NOL4: variants seen among roughly 807,000 people sequenced by gnomAD.
The protein encoded by NOL4 is nucleolar protein 4.
NOL4 carries 17 observed loss-of-function variants against 75.9 expected under a neutral mutation model. The ratio of observed to expected loss-of-function variants is 0.22; its 90% confidence interval spans 0.15 to 0.34. The LOEUF (loss-of-function observed/expected upper bound fraction) is 0.34. Ranked by LOEUF, NOL4 falls within the 10% of genes least tolerant of loss-of-function variation. NOL4 has a pLI of 1.00. For synonymous variants in NOL4, 292 were observed against 289.9 expected (o/e 1.01, Z -0.07); for missense variants, 614 against 793.5 (o/e 0.77, Z 2.72).
intron 1 of NOL4, chr18:34,222,404 G>A: frequency 8.8e-7 from 1 of 1,140,414 alleles, no homozygotes; most frequent in East Asian, 5.8e-5. Context: ...TCGCGGCAAC[G>A]ATCTCTGGGA....
At position 34,130,015 on chromosome 18, in the gene NOL4, G is replaced by T; in HGVS notation, c.270C>A (p.Gly90=). 1 of 1,554,794 alleles carries T rather than the reference G, an allele frequency of 6.4e-7. No homozygotes were observed. The highest frequency in any genetic ancestry group is 8.7e-7 in the Non-Finnish European group (1 of 1,151,778). ...AAGATAGCTTCTCATCTACCCCTAC[G>T]CCATCCTGGAAACAAAACAACAACA... ...VLYVPVKTTD[G]VGVDEKLSLR... Residue 90 remains glycine, a synonymous_variant, in exon 2 of 11, where the codon GGC becomes GGA. Coordinates refer to ENST00000261592, the MANE Select transcript of NOL4 (RefSeq NM_003787.5).
chr18:33,883,446 C>A (rs761968104), intron 9 of NOL4, 22 bp from the exon 10 acceptor site: 14 of 1,579,896 alleles, frequency 8.9e-6, no homozygotes, highest in Non-Finnish European at 6.0e-6. Flanking sequence ...GACAGCATTC[C>A]ATTATTTATC....
At chr18:34,163,879 G>C (rs1231446899) in intron 1 of NOL4, among the ~76,000 whole-genome samples, 1 of 152,094 alleles carries the variant, frequency 6.6e-6, no homozygotes, top group East Asian at 1.9e-4. Context: ...CATGGTACTG[G>C]TACCAAAACA....
chr18:33,977,931 G>T (rs17179), intron 6 of NOL4, among the ~76,000 whole-genome samples: 3 of 152,030 alleles, frequency 2.0e-5, no homozygotes, highest in Non-Finnish European at 4.4e-5. Context: ...TCTAGGCCTT[G>T]GAGACCTTTG....
intron 6 of NOL4, among the ~76,000 whole-genome samples, chr18:33,970,079 G>A (rs1452115256): frequency 4.6e-5 from 7 of 152,114 alleles, no homozygotes; most frequent in Non-Finnish European, 7.4e-5. Context: ...GATTTCTAGC[G>A]AGAGCCCAAG....
intron 9 of NOL4, among the ~76,000 whole-genome samples, chr18:33,887,870 C>T (rs2064856066): frequency 6.6e-6 from 1 of 152,114 alleles, no homozygotes. Flanking sequence ...AATAGTGCCG[C>T]AATAAACATA....
At chr18:34,089,948 C>A (rs76342217) in intron 5 of NOL4, among the ~76,000 whole-genome samples, 57 of 151,886 alleles carry the variant, frequency 3.8e-4, no homozygotes, top group African/African-American at 9.7e-4. Context: ...CACACACACA[C>A]GCACAAACAC....
intron 9 of NOL4, among the ~76,000 whole-genome samples, chr18:33,941,806 C>T (rs2068507838): frequency 6.6e-6 from 1 of 151,842 alleles, no homozygotes; most frequent in Non-Finnish European, 1.5e-5. Flanking sequence ...ATGTGCTCCC[C>T]TAATCACTAT....
chr18:33,923,383 A>G (rs1864440381), intron 9 of NOL4, among the ~76,000 whole-genome samples: 1 of 151,966 alleles, frequency 6.6e-6, no homozygotes, highest in Non-Finnish European at 1.5e-5. Flanking sequence ...TCATTGAAAT[A>G]GAATTTTTTT....
At chr18:34,164,889 C>T (rs1465850503) in intron 1 of NOL4, among the ~76,000 whole-genome samples, 1 of 151,986 alleles carries the variant, frequency 6.6e-6, no homozygotes, top group Non-Finnish European at 1.5e-5. Context: ...GGCACATATA[C>T]ACCATGGAAT....
intron 6 of NOL4, among the ~76,000 whole-genome samples, chr18:33,983,576 A>AAT (rs1433891252): frequency 1.3e-5 from 2 of 150,922 alleles, no homozygotes; most frequent in Non-Finnish European, 3.0e-5. Flanking sequence ...TGTATGTATA[A>AAT]ATATATATAA....
intron 5 of NOL4, among the ~76,000 whole-genome samples, chr18:34,046,818 G>A (rs570101397): frequency 6.6e-6 from 1 of 151,502 alleles, no homozygotes; most frequent in South Asian, 2.1e-4. Flanking sequence ...AATCTATGAA[G>A]GGAGATAAGC....
At chr18:34,094,072 C>T (rs1207934804) in intron 4 of NOL4, among the ~76,000 whole-genome samples, 1 of 151,896 alleles carries the variant, frequency 6.6e-6, no homozygotes, top group African/African-American at 2.4e-5. Context: ...AACAAAAAAA[C>T]AATGGAATAA....
chr18:34,119,246 A>T (rs1181839793), intron 2 of NOL4, among the ~76,000 whole-genome samples: 3 of 152,206 alleles, frequency 2.0e-5, no homozygotes, highest in African/African-American at 7.2e-5. Context: ...CTATAGATAG[A>T]GTATCTATCT....
At chr18:34,058,173 A>T (rs961041903) in intron 5 of NOL4, among the ~76,000 whole-genome samples, 1 of 151,934 alleles carries the variant, frequency 6.6e-6, no homozygotes, top group South Asian at 2.1e-4. Flanking sequence ...TCACTCTGTC[A>T]CCCAGGCTGG....
chr18:33,895,283 T>C (rs1466277225), intron 9 of NOL4, among the ~76,000 whole-genome samples: 2 of 152,100 alleles, frequency 1.3e-5, no homozygotes, highest in Non-Finnish European at 2.9e-5. Flanking sequence ...TGCAAAGTCA[T>C]CTACTCTTAA....
chr18:34,171,347 T>C (rs2033019952), intron 1 of NOL4, among the ~76,000 whole-genome samples: 1 of 152,152 alleles, frequency 6.6e-6, no homozygotes, highest in Admixed American at 6.5e-5. Context: ...GTACACTTTG[T>C]ATAACCATTT....
chr18:34,116,312 T>G (rs2079855145), intron 2 of NOL4, among the ~76,000 whole-genome samples: 1 of 152,056 alleles, frequency 6.6e-6, no homozygotes, highest in African/African-American at 2.4e-5. Flanking sequence ...ACAAGCAAAC[T>G]CTTGGGAATA....
intron 9 of NOL4, among the ~76,000 whole-genome samples, chr18:33,917,075 T>C (rs1190793619): frequency 6.6e-6 from 1 of 152,202 alleles, no homozygotes; most frequent in Non-Finnish European, 1.5e-5. Context: ...CAGCTTTTTT[T>C]TCATTTTATT....
Sources: gnomAD v4.1 joint callset for allele counts (sites outside exome capture counted in the v4.1 genomes callset) on GRCh38, gnomAD v4.1.1 for gene constraint, MANE v1.5 for transcripts, NCBI Gene and HGNC (gene_info 2026-07-23, HGNC 2026-07-21) for gene names.